Variants in PDE8B observed in about 807,000 individuals in gnomAD.
The protein encoded by PDE8B is high affinity cAMP-specific and IBMX-insensitive 3',5'-cyclic phosphodiesterase 8B.
In PDE8B, 26 loss-of-function variants were observed where a neutral mutation model predicts 101.3. The ratio of observed to expected loss-of-function variants is 0.26; its 90% CI spans 0.19 to 0.36. PDE8B has a LOEUF of 0.36. PDE8B is among the 10% of genes least tolerant of loss of function. PDE8B has a pLI of 1.00. For missense variants in PDE8B, 810 were observed against 1,163.1 expected (o/e 0.70, Z 4.42); for synonymous variants, 424 against 429.3 (o/e 0.99, Z 0.15).
intron 10 of PDE8B, among the ~76,000 whole-genome samples, chr5:77,399,817 TTTAACTCCTAGGC>T (rs571558602): frequency 3.0e-3 from 460 of 152,370 alleles, no homozygotes; most frequent in African/African-American, 0.011. Context: ...AGGAAATGTT[TTTAACTCCTAGGC>T]TTAAATTCAG....
chr5:77,278,146 G>A (rs1764205722), intron 1 of PDE8B, among the ~76,000 whole-genome samples: 1 of 152,076 alleles, frequency 6.6e-6, no homozygotes, highest in Admixed American at 6.6e-5. Flanking sequence ...ACAGCTGGCC[G>A]AGTTCACGTT....
chr5:77,097,037 T>C, the PDE8B span, among the ~76,000 whole-genome samples: 1 of 152,232 alleles, frequency 6.6e-6, no homozygotes, highest in East Asian at 1.9e-4. Flanking sequence ...TCATCTTTTA[T>C]TTTTCTCTAT....
At chr5:77,352,993 A>G (rs1781445412) in intron 9 of PDE8B, among the ~76,000 whole-genome samples, 1 of 152,262 alleles carries the variant, frequency 6.6e-6, no homozygotes, top group Admixed American at 6.5e-5. Flanking sequence ...TTTTGTAGCT[A>G]TGCAATTATT....
intron 8 of PDE8B, among the ~76,000 whole-genome samples, chr5:77,350,403 C>G (rs1780867973): frequency 6.6e-6 from 1 of 151,934 alleles, no homozygotes; most frequent in Admixed American, 6.6e-5. Context: ...AAGGTGCATA[C>G]CAATTAGCCA....
At chr5:77,217,112 T>C (rs1435531373) in intron 1 of PDE8B, among the ~76,000 whole-genome samples, 3 of 152,240 alleles carry the variant, frequency 2.0e-5, no homozygotes, top group African/African-American at 7.2e-5. Flanking sequence ...CTCGAACTTA[T>C]TGCTGTAAAC....
rs548921342 is a variant in PDE8B at position 77,423,321 on chromosome 5, T to A, written c.2418+1333T>A. 4.6e-5 allele frequency among the ~76,000 whole-genome samples: 7 copies of A among 152,334 alleles called. No homozygotes were observed. In the South Asian group the frequency reaches 1.5e-3, roughly 32 times the overall value. ...ACCATGAATTGTGCTGTCATAAACATGCAAGTACAGGTGTCTCTTCAGTAG... is the reference window on the plus strand; with the variant it reads ...ACCATGAATTGTGCTGTCATAAACAAGCAAGTACAGGTGTCTCTTCAGTAG... On this transcript the variant is annotated intron_variant, in intron 20 of 21. Coordinates refer to ENST00000264917, the MANE Select transcript of PDE8B (RefSeq NM_003719.5).
Position 77,412,093 on chromosome 5 carries a change from T to C in PDE8B, c.1577-7T>C. On this transcript the variant is annotated splice_polypyrimidine_tract_variant and splice_region_variant and intron_variant, in intron 15 of 21. Transcript: ENST00000264917. ...ACCAGCCTCCCCCATCCCATCTGTT[T>C]GCTCAGATGTGCACCAGAGTCACAG... 1 of 1,614,002 alleles carries C rather than the reference T, an allele frequency of 6.2e-7. No individual in the cohort carries two copies.
intron 12 of PDE8B, among the ~76,000 whole-genome samples, chr5:77,406,874 A>C (rs1405562889): frequency 6.6e-6 from 1 of 152,226 alleles, no homozygotes; most frequent in Non-Finnish European, 1.5e-5. Flanking sequence ...TAAGAGCCTA[A>C]AGGCATGGGC....
At chr5:77,129,692 C>T in the PDE8B span, among the ~76,000 whole-genome samples, 1 of 152,184 alleles carries the variant, frequency 6.6e-6, no homozygotes, top group Non-Finnish European at 1.5e-5. Flanking sequence ...CTGTTCTTCT[C>T]TTTCTGTTGG....
chr5:77,318,217 T>C (rs1774261733), intron 2 of PDE8B, among the ~76,000 whole-genome samples: 1 of 152,120 alleles, frequency 6.6e-6, no homozygotes, highest in South Asian at 2.1e-4. Flanking sequence ...TTAAGTGAAA[T>C]GACTGAGGGA....
At chr5:77,201,559 A>C in the PDE8B span, among the ~76,000 whole-genome samples, 1 of 152,190 alleles carries the variant, frequency 6.6e-6, no homozygotes, top group Non-Finnish European at 1.5e-5. Flanking sequence ...AATCCAGATG[A>C]AGAATTCCCT....
intron 10 of PDE8B, among the ~76,000 whole-genome samples, chr5:77,394,222 C>G (rs533688253): frequency 6.6e-6 from 1 of 152,150 alleles, no homozygotes; most frequent in Non-Finnish European, 1.5e-5. Flanking sequence ...CATCATGGAA[C>G]GGCCATCCAC....
chr5:77,154,374 A>G, the PDE8B span, among the ~76,000 whole-genome samples: 1 of 152,212 alleles, frequency 6.6e-6, no homozygotes, highest in Non-Finnish European at 1.5e-5. Flanking sequence ...CTTTATCCTC[A>G]TTGCCTAGCA....
Position 77,411,719 on chromosome 5 carries a change from A to T in PDE8B, c.1574A>T (p.Lys525Met). ...RLSGNEYVFT[K>M]NVHQSHSHLA... The stretch of plus-strand genomic sequence containing the variant: ...TCAGGAAACGAGTATGTGTTTACTA[A>T]GAGTAAGTTTTCATCTATTTACTTG... The change falls in exon 15 of 22, where the codon AAG becomes ATG. Residue 525 changes from lysine (K) to methionine (M), a missense_variant and splice_region_variant. Coordinates refer to ENST00000264917, the MANE Select transcript of PDE8B (RefSeq NM_003719.5). 6.2e-7 allele frequency: 1 copy of T among 1,608,502 alleles called. No homozygotes were observed. The highest frequency in any genetic ancestry group is 8.5e-7 in the Non-Finnish European group (1 of 1,174,880).
rs1230036639 is a variant in PDE8B, at chr5:77,235,474, AG to A, written c.339+24212del. ...GTTAGAGTCTCATTCTTGCAGATCA[AG>A]GATTAGGAGACTAAACGGGGCATTC... On this transcript the variant is annotated intron_variant, in intron 1 of 21. Coordinates refer to ENST00000264917, the MANE Select transcript of PDE8B (RefSeq NM_003719.5). 3.3e-5 allele frequency among the ~76,000 whole-genome samples: 5 copies of A among 152,198 alleles called. No individual in the cohort carries two copies. The East Asian group carries it at 9.6e-4, about 29-fold the overall frequency.
chr5:77,260,157 CAA>C (rs66923234), intron 1 of PDE8B, among the ~76,000 whole-genome samples: 46,498 of 100,804 alleles, frequency 0.46, 6,552 homozygotes, highest in South Asian at 0.55. Flanking sequence ...AACTCCATCA[CAA>C]AAAAAAAAAA....
At chr5:77,191,328 G>A in the PDE8B span, among the ~76,000 whole-genome samples, 32 of 151,826 alleles carry the variant, frequency 2.1e-4, no homozygotes, top group Non-Finnish European at 7.4e-5. Flanking sequence ...TTTTATTGAC[G>A]TATAATATTT....
At chr5:77,189,416 G>A in the PDE8B span, among the ~76,000 whole-genome samples, 2 of 152,148 alleles carry the variant, frequency 1.3e-5, no homozygotes, top group African/African-American at 4.8e-5. Context: ...CAGAAAGAAA[G>A]ATAAAGCAGG....
chr5:77,270,527 C>A (rs1270924971), intron 1 of PDE8B, among the ~76,000 whole-genome samples: 1 of 152,160 alleles, frequency 6.6e-6, no homozygotes, highest in Non-Finnish European at 1.5e-5. Flanking sequence ...TGCTTTGTGC[C>A]CTTAGCACTG....
Sources: gnomAD v4.1 joint callset for allele counts (sites outside exome capture counted in the v4.1 genomes callset) on GRCh38, gnomAD v4.1.1 for gene constraint, MANE v1.5 for transcripts, NCBI Gene and HGNC (gene_info 2026-07-23, HGNC 2026-07-21) for gene names.